Variants in LAPTM4B observed in about 807,000 individuals in gnomAD.
LAPTM4B encodes lysosomal protein transmembrane 4 beta.
A neutral mutation model predicts 28.5 loss-of-function variants in LAPTM4B; 26 were observed. That is an observed-to-expected ratio of 0.91 (90% CI 0.67 to 1.27). The LOEUF (loss-of-function observed/expected upper bound fraction) is 1.27, where lower values mean the gene tolerates loss of function less well. Ranked by LOEUF, LAPTM4B falls within the 50% of genes most tolerant of loss-of-function variation. The pLI is 0.00. For missense variants in LAPTM4B, 288 were observed against 285.8 expected (o/e 1.01, Z -0.06); for synonymous variants, 109 against 106.4 (o/e 1.02, Z -0.15).
chr8:97,801,759 A>C (rs553397242), intron 1 of LAPTM4B, among the ~76,000 whole-genome samples: 2 of 149,574 alleles, frequency 1.3e-5, no homozygotes, highest in African/African-American at 2.5e-5. Context: ...CGGGAGAATC[A>C]CTTGAACCTG....
At chr8:97,785,618 A>G (rs1481949631) in intron 1 of LAPTM4B, among the ~76,000 whole-genome samples, 2 of 152,252 alleles carry the variant, frequency 1.3e-5, no homozygotes, top group African/African-American at 4.8e-5. Flanking sequence ...AGCAGCAGTT[A>G]TAAGTGCATT....
chr8:97,805,248 G>A, intron 1 of LAPTM4B, 105 bp from the exon 2 acceptor site: 1 of 649,172 alleles, frequency 1.5e-6, no homozygotes, highest in East Asian at 2.7e-5. Context: ...TGAAGAAGTT[G>A]CCTGTGGCCA....
chr8:97,779,596 G>T (rs1465893293), intron 1 of LAPTM4B, among the ~76,000 whole-genome samples: 2 of 135,232 alleles, frequency 1.5e-5, no homozygotes, highest in Non-Finnish European at 1.7e-5. Flanking sequence ...ACCAGCCTGG[G>T]CAACATGGCA....
chr8:97,843,171 G>A (rs1435929771), intron 6 of LAPTM4B, among the ~76,000 whole-genome samples: 3 of 152,106 alleles, frequency 2.0e-5, no homozygotes, highest in East Asian at 1.9e-4. Flanking sequence ...GTGAGCCACC[G>A]CGCCCGCCCT....
rs1251075971 is a variant in LAPTM4B, at chr8:97,787,284, TTTC to T, written c.99+11179_99+11181del. Among the ~76,000 whole-genome samples, 27 of 123,824 alleles carry T rather than the reference TTTC, an allele frequency of 2.2e-4. No individual in the cohort carries two copies. In the East Asian group the frequency reaches 3.0e-3, roughly 14 times the overall value. 81.2% of individuals were successfully genotyped at this position (123,824 alleles called of 152,430 possible). On this transcript the variant is annotated intron_variant, in intron 1 of 6. Transcript: ENST00000521545. ...TGTGAGGGAGGCTAGGAGATGTTTCTTTCTTTTTTTTTTTTTTTTGAGACTGAG... is the reference window on the plus strand; with the variant it reads ...TGTGAGGGAGGCTAGGAGATGTTTCTTTTTTTTTTTTTTTTTGAGACTGAG...
intron 6 of LAPTM4B, among the ~76,000 whole-genome samples, chr8:97,844,748 T>G (rs2513970): frequency 6.6e-6 from 1 of 151,972 alleles, no homozygotes; most frequent in African/African-American, 2.4e-5. Flanking sequence ...TTCCCAGGCC[T>G]TTGCAGAAGC....
intron 1 of LAPTM4B, among the ~76,000 whole-genome samples, chr8:97,792,582 A>AT (rs1370570375): frequency 1.4e-5 from 2 of 146,200 alleles, no homozygotes; most frequent in African/African-American, 2.5e-5. Context: ...TTTATTTTTT[A>AT]TTTTTTTCCT....
At chr8:97,818,652 A>C (rs1202021569) in intron 4 of LAPTM4B, among the ~76,000 whole-genome samples, 2 of 152,174 alleles carry the variant, frequency 1.3e-5, no homozygotes, top group Non-Finnish European at 2.9e-5. Flanking sequence ...TGCAAAGAAG[A>C]CCTCATTTTA....
At chr8:97,794,628 T>G (rs1054260810) in intron 1 of LAPTM4B, among the ~76,000 whole-genome samples, 11 of 152,216 alleles carry the variant, frequency 7.2e-5, no homozygotes, top group Non-Finnish European at 1.6e-4. Flanking sequence ...AGTGAGAGTC[T>G]GATTGAAACT....
At chr8:97,827,087 T>G (rs960892177) in intron 6 of LAPTM4B, among the ~76,000 whole-genome samples, 1 of 152,166 alleles carries the variant, frequency 6.6e-6, no homozygotes, top group African/African-American at 2.4e-5. Flanking sequence ...TTGCATGTGC[T>G]TGTTTTGATA....
rs953249 is a variant in LAPTM4B, at chr8:97,785,179, G to A, written c.99+9071G>A. On this transcript the variant is annotated intron_variant, in intron 1 of 6. Transcript: ENST00000521545. Reference sequence around the variant, plus strand: ...CGGTTCCCTGCAACCTCCACCTCCCGGGTTCAAGCCCTTCTCTTGCCTCAG... The same window carrying A: ...CGGTTCCCTGCAACCTCCACCTCCCAGGTTCAAGCCCTTCTCTTGCCTCAG... 1.3e-4 allele frequency among the ~76,000 whole-genome samples: 20 copies of A among 151,150 alleles called. 1 individual carries two copies. In the East Asian group the frequency reaches 2.2e-3, roughly 16 times the overall value.
intron 1 of LAPTM4B, among the ~76,000 whole-genome samples, chr8:97,787,007 T>A (rs1586319858): frequency 6.6e-6 from 1 of 150,678 alleles, no homozygotes; most frequent in African/African-American, 2.4e-5. Flanking sequence ...GGCTGGGGGG[T>A]GGGGGTGTAG....
chr8:97,822,949 G>C (rs1448357316), intron 5 of LAPTM4B, among the ~76,000 whole-genome samples: 6 of 151,508 alleles, frequency 4.0e-5, no homozygotes, highest in Non-Finnish European at 8.8e-5. Context: ...TCAAGCAATT[G>C]TCCTGCCTCA....
intron 6 of LAPTM4B, among the ~76,000 whole-genome samples, chr8:97,831,196 TA>T (rs1176724718): frequency 2.0e-5 from 3 of 152,180 alleles, no homozygotes; most frequent in Admixed American, 2.0e-4. Flanking sequence ...GTGATCTGAC[TA>T]ATGAAGGCTG....
At chr8:97,791,645 G>A (rs1816500663) in intron 1 of LAPTM4B, among the ~76,000 whole-genome samples, 1 of 152,212 alleles carries the variant, frequency 6.6e-6, no homozygotes, top group Non-Finnish European at 1.5e-5. Context: ...GATTGGTTTA[G>A]CAGAGTTGGC....
intron 1 of LAPTM4B, among the ~76,000 whole-genome samples, chr8:97,791,104 C>T (rs1336519758): frequency 2.0e-5 from 3 of 152,100 alleles, no homozygotes; most frequent in Non-Finnish European, 1.5e-5. Context: ...CAGGGTCTTG[C>T]TTGTTTGCCC....
At chr8:97,833,603 AT>A (rs1817217302) in intron 6 of LAPTM4B, among the ~76,000 whole-genome samples, 1 of 152,140 alleles carries the variant, frequency 6.6e-6, no homozygotes, top group Non-Finnish European at 1.5e-5. Context: ...AGTCTAGATG[AT>A]TCTGATTGCA....
intron 5 of LAPTM4B, among the ~76,000 whole-genome samples, 156 bp downstream of exon 5, chr8:97,819,394 G>A (rs1485447246): frequency 6.6e-6 from 1 of 152,060 alleles, no homozygotes; most frequent in Non-Finnish European, 1.5e-5. Context: ...TGTCTATGTT[G>A]GAGGTAAACA....
chr8:97,811,023 G>T (rs1816818064), intron 2 of LAPTM4B, among the ~76,000 whole-genome samples: 1 of 152,172 alleles, frequency 6.6e-6, no homozygotes. Flanking sequence ...TCTCCACATT[G>T]CAAGTTATAG....
Sources: allele counts gnomAD v4.1 joint callset (sites outside exome capture counted in the v4.1 genomes callset), GRCh38; gene constraint gnomAD v4.1.1; transcripts MANE v1.5; gene names NCBI Gene and HGNC (gene_info 2026-07-23, HGNC 2026-07-21).